PALD1: variants seen among roughly 807,000 people sequenced by gnomAD.
PALD1 encodes the protein phosphatase domain containing paladin 1, also known as paladin.
In PALD1, 57 loss-of-function variants were observed where a neutral mutation model predicts 96.0. The ratio of observed to expected loss-of-function variants is 0.59; its 90% CI spans 0.48 to 0.74. PALD1 has a LOEUF of 0.74. Among genes scored for constraint, PALD1 ranks in the 30% least tolerant of loss-of-function variants. The probability of loss-of-function intolerance (pLI) is 0.00; values close to 1 mark genes in which losing one functional copy is unlikely to be tolerated. For missense variants in PALD1, 1,063 were observed against 1,143.7 expected (o/e 0.93, Z 1.02); for synonymous variants, 464 against 473.6 (o/e 0.98, Z 0.26).
rs957851524 is a variant in PALD1, at chr10:70,479,015, C to T, written c.-74C>T. Reference sequence around the variant, plus strand: ...GCGCCCGCAGTTCGGGCGCAGCACGCCGGCCGCAGGAGCACGGATGCCCCC... The same window carrying T: ...GCGCCCGCAGTTCGGGCGCAGCACGTCGGCCGCAGGAGCACGGATGCCCCC... On this transcript the variant is annotated 5_prime_UTR_variant, in exon 1 of 20. Coordinates refer to ENST00000263563, the MANE Select transcript of PALD1 (RefSeq NM_014431.3). 3 of 152,042 alleles carry T rather than the reference C, an allele frequency of 2.0e-5. No homozygotes were observed. The highest frequency in any genetic ancestry group is 6.5e-5 in the Admixed American group (1 of 15,286). 9.4% of individuals were successfully genotyped at this position (152,042 alleles called of 1,614,324 possible).
the PALD1 span, among the ~76,000 whole-genome samples, chr10:70,471,098 A>C: frequency 6.6e-6 from 1 of 151,898 alleles, no homozygotes; most frequent in Non-Finnish European, 1.5e-5. Context: ...TTGGGATTAT[A>C]GGCGTGAGCC....
At chr10:70,541,319 C>G in intron 16 of PALD1, 77 bp downstream of exon 16, 2 of 1,545,196 alleles carry the variant, frequency 1.3e-6, no homozygotes, top group Non-Finnish European at 1.8e-6. Flanking sequence ...CACACTGGCT[C>G]CACAGGAGGG....
chr10:70,472,145 C>T, the PALD1 span, among the ~76,000 whole-genome samples: 1,107 of 152,308 alleles, frequency 7.3e-3, 15 homozygotes, highest in South Asian at 0.049. Flanking sequence ...TCCCTGACCC[C>T]TTCCTCACCC....
At chr10:70,466,433 A>AG in the PALD1 span, among the ~76,000 whole-genome samples, 20 of 151,880 alleles carry the variant, frequency 1.3e-4, no homozygotes, top group African/African-American at 4.6e-4. Context: ...TTAGTAGAGA[A>AG]GGGGTTTCAC....
chr10:70,480,096 G>A (rs1249665829), intron 1 of PALD1, among the ~76,000 whole-genome samples: 3 of 152,236 alleles, frequency 2.0e-5, no homozygotes, highest in Non-Finnish European at 4.4e-5. Flanking sequence ...GTGCTGAAAT[G>A]TTCCAGCTCC....
chr10:70,470,550 A>ATTTTTCTTATATAATAAATAATATTAT, the PALD1 span, among the ~76,000 whole-genome samples: 1 of 147,394 alleles, frequency 6.8e-6, no homozygotes, highest in South Asian at 2.1e-4. Flanking sequence ...AATAAATAAT[A>ATTTTTCTTATATAATAAATAATATTAT]TTTTTATTAT....
chr10:70,537,676 C>T (rs539514402), intron 10 of PALD1, 135 bp from the exon 11 acceptor site: 58 of 635,844 alleles, frequency 9.1e-5, no homozygotes, highest in Non-Finnish European at 1.5e-4. Flanking sequence ...TACAGCCTGG[C>T]AGAACTGTGT....
chr10:70,466,197 T>A, the PALD1 span, among the ~76,000 whole-genome samples: 158 of 152,088 alleles, frequency 1.0e-3, no homozygotes, highest in African/African-American at 3.4e-3. Context: ...GGTTGTCTTT[T>A]AAAAAAAATT....
upstream of PALD1, among the ~76,000 whole-genome samples, chr10:70,478,668 C>G (rs1422771409): frequency 6.6e-6 from 1 of 152,042 alleles, no homozygotes; most frequent in Non-Finnish European, 1.5e-5. Flanking sequence ...CTGAGTGTGT[C>G]TTTAAATCTG....
intron 1 of PALD1, among the ~76,000 whole-genome samples, chr10:70,488,442 T>G (rs116478891): frequency 0.015 from 2,296 of 152,320 alleles, 67 homozygotes; most frequent in African/African-American, 0.053. Flanking sequence ...TCACAAAATA[T>G]TCAAGTAGTA....
the PALD1 span, among the ~76,000 whole-genome samples, chr10:70,468,823 G>A: frequency 1.3e-5 from 2 of 151,012 alleles, no homozygotes; most frequent in Non-Finnish European, 2.9e-5. Context: ...GGCAACCTCC[G>A]CCCCCCAGGT....
At chr10:70,474,454 G>C (rs1464578952), upstream of PALD1, among the ~76,000 whole-genome samples, 1 of 152,014 alleles carries the variant, frequency 6.6e-6, no homozygotes, top group Non-Finnish European at 1.5e-5. Flanking sequence ...CTAACTACTC[G>C]GGAGCCTGAG....
chr10:70,465,940 C>G, the PALD1 span, among the ~76,000 whole-genome samples: 1 of 152,194 alleles, frequency 6.6e-6, no homozygotes, highest in Non-Finnish European at 1.5e-5. Flanking sequence ...TCTCTGGCTC[C>G]TTTTAGCTCT....
Position 70,529,998 on chromosome 10 carries a change from T to A in PALD1, c.398T>A (p.Phe133Tyr). The A allele has an allele frequency of 6.2e-7, 1 of 1,606,704 alleles. No homozygotes were observed. Among genetic ancestry groups the A allele is most frequent in the Non-Finnish European group, 8.5e-7 (1 of 1,176,778 alleles). Reference sequence around the variant, plus strand: ...CAGGTGCAGGGTGGGCTCACTGTGTTCGGCATGGGACAGCCCAGCCTCTCA... The same window carrying A: ...CAGGTGCAGGGTGGGCTCACTGTGTACGGCATGGGACAGCCCAGCCTCTCA... The part of the protein sequence containing the change: ...FRQVQGGLTV[F>Y]GMGQPSLSGF... Residue 133 changes from phenylalanine (F) to tyrosine (Y), a missense_variant, in exon 4 of 20, where the codon TTC (phenylalanine) becomes TAC (tyrosine). Transcript: ENST00000263563.
chr10:70,492,988 G>A (rs530418942), intron 1 of PALD1, among the ~76,000 whole-genome samples: 1 of 152,206 alleles, frequency 6.6e-6, no homozygotes. Flanking sequence ...ATCTCCCTTG[G>A]TGGGTGAGGA....
chr10:70,501,072 A>G (rs935785532), intron 1 of PALD1, among the ~76,000 whole-genome samples: 1 of 152,108 alleles, frequency 6.6e-6, no homozygotes. Flanking sequence ...TGGATAAGCC[A>G]TCCCACCTTT....
intron 1 of PALD1, among the ~76,000 whole-genome samples, chr10:70,506,239 T>C (rs1846387809): frequency 6.6e-6 from 1 of 152,186 alleles, no homozygotes; most frequent in African/African-American, 2.4e-5. Flanking sequence ...CGCGAGTGCA[T>C]ATCTCTGGGA....
intron 4 of PALD1, among the ~76,000 whole-genome samples, chr10:70,530,928 C>T (rs1846978014): frequency 2.6e-5 from 4 of 152,122 alleles, no homozygotes; most frequent in Non-Finnish European, 1.5e-5. Flanking sequence ...GCTAGGACAC[C>T]ATGCTAGGAA....
At chr10:70,544,126 C>G (rs935861877) in intron 17 of PALD1, among the ~76,000 whole-genome samples, 1 of 152,174 alleles carries the variant, frequency 6.6e-6, no homozygotes, top group Admixed American at 6.5e-5. Context: ...AGGCCCAGAG[C>G]AGACACTGGT....
Sources: gnomAD v4.1 joint callset for allele counts (sites outside exome capture counted in the v4.1 genomes callset) on GRCh38, gnomAD v4.1.1 for gene constraint, MANE v1.5 for transcripts, NCBI Gene and HGNC (gene_info 2026-07-23, HGNC 2026-07-21) for gene names.